FAM167A: variants seen among roughly 807,000 people sequenced by gnomAD.
The protein encoded by FAM167A is family with sequence similarity 167 member A.
In FAM167A, 23 loss-of-function variants were observed where a neutral mutation model predicts 14.9. The observed-to-expected ratio is 1.55, with a 90% CI of 1.11 to 2.19. The LOEUF is 2.19. Among genes scored for constraint, FAM167A ranks in the 30% most tolerant of loss-of-function variants. The pLI, the probability that FAM167A is intolerant of heterozygous loss-of-function variation, is 0.00. For synonymous variants in FAM167A, 174 were observed against 117.7 expected (o/e 1.48, Z -3.10); for missense variants, 401 against 281.5 (o/e 1.42, Z -3.04).
intron 2 of FAM167A, among the ~76,000 whole-genome samples, chr8:11,433,567 G>C (rs137977434): frequency 1.1e-3 from 175 of 152,306 alleles, no homozygotes; most frequent in African/African-American, 4.0e-3. Context: ...TGGCTTGAGA[G>C]AAATCCCAGT....
chr8:11,456,210 TGTGTGAGTGTGA>T (rs1331432803), intron 1 of FAM167A, among the ~76,000 whole-genome samples: 2 of 8,986 alleles, frequency 2.2e-4, no homozygotes, highest in Non-Finnish European at 2.2e-4. Flanking sequence ...GTTGCCTTGC[TGTGTGAGTGTGA>T]GTGAGTGTGG....
chr8:11,428,421 G>T (rs892252665), intron 2 of FAM167A, among the ~76,000 whole-genome samples: 20 of 152,214 alleles, frequency 1.3e-4, no homozygotes, highest in Non-Finnish European at 2.2e-4. Flanking sequence ...GCGTTGCCTC[G>T]CACGCCCATG....
intron 1 of FAM167A, among the ~76,000 whole-genome samples, chr8:11,464,733 C>T (rs1171975497): frequency 6.6e-6 from 1 of 152,206 alleles, no homozygotes; most frequent in Non-Finnish European, 1.5e-5. Flanking sequence ...TCTGGGAATA[C>T]CGGGGCTCCT....
rs533012142 is a variant in FAM167A, at chr8:11,431,560, A to G, written c.382-6924T>C. 2.0e-5 allele frequency among the ~76,000 whole-genome samples: 3 copies of G among 152,340 alleles called. No homozygotes were observed. The East Asian group carries it at 5.8e-4, about 29-fold the overall frequency. On this transcript the variant is annotated intron_variant, in intron 2 of 2. Transcript: ENST00000284486. ...ATATTTTACTGACATTTAAACAACA[A>G]CAGCAGAGTCTGCAAATTTAGAGCA...
intron 2 of FAM167A, among the ~76,000 whole-genome samples, chr8:11,431,919 A>AAAAGAG (rs1805627512): frequency 1.4e-5 from 2 of 139,962 alleles, no homozygotes; most frequent in Non-Finnish European, 3.1e-5. Flanking sequence ...AAAAAAAAAA[A>AAAAGAG]GGATTTTGTT....
intron 1 of FAM167A, among the ~76,000 whole-genome samples, chr8:11,447,832 A>G (rs955069811): frequency 6.6e-6 from 1 of 152,214 alleles, no homozygotes; most frequent in Non-Finnish European, 1.5e-5. Context: ...AGAAATGAGA[A>G]CAACCGGAAC....
intron 2 of FAM167A, among the ~76,000 whole-genome samples, chr8:11,440,898 G>A (rs1159535030): frequency 2.0e-5 from 3 of 152,236 alleles, no homozygotes; most frequent in Non-Finnish European, 4.4e-5. Context: ...TTAAGAGGAT[G>A]AATGAGGGAA....
chr8:11,457,852 T>C (rs903627546), intron 1 of FAM167A, among the ~76,000 whole-genome samples: 4 of 152,212 alleles, frequency 2.6e-5, no homozygotes, highest in African/African-American at 9.6e-5. Context: ...GCTTTCCTCA[T>C]GCTGACTGCA....
intron 1 of FAM167A, among the ~76,000 whole-genome samples, chr8:11,459,692 CA>C (rs1325464805): frequency 6.6e-6 from 1 of 152,222 alleles, no homozygotes; most frequent in Non-Finnish European, 1.5e-5. Context: ...CTTTGGAATT[CA>C]ACTGGAACAG....
At chr8:11,463,556 C>T (rs1380704964) in intron 1 of FAM167A, among the ~76,000 whole-genome samples, 1 of 152,212 alleles carries the variant, frequency 6.6e-6, no homozygotes, top group East Asian at 1.9e-4. Flanking sequence ...AGCCAGTGCA[C>T]AAGTCACTGC....
chr8:11,475,828 T>A (rs1797858423), intron 1 of FAM167A, among the ~76,000 whole-genome samples: 1 of 152,116 alleles, frequency 6.6e-6, no homozygotes, highest in Non-Finnish European at 1.5e-5. Flanking sequence ...CACCTGTGTT[T>A]CCCTATCACC....
chr8:11,451,414 CGTAA>C, intron 1 of FAM167A, among the ~76,000 whole-genome samples: 1 of 152,334 alleles, frequency 6.6e-6, no homozygotes, highest in East Asian at 1.9e-4. Context: ...TTCTGACATT[CGTAA>C]GTGACTGACA....
rs1471802543 is a variant in FAM167A, at chr8:11,422,686, A to T, written c.*1687T>A. The stretch of plus-strand genomic sequence containing the variant: ...AGAGATCATTCATTTGCATTGTCCT[A>T]CTCTCAGCCCACAAAAGAAAAGCAA... On this transcript the variant is annotated 3_prime_UTR_variant, in exon 3 of 3. Transcript: ENST00000284486. 1 of 152,076 alleles carries T rather than the reference A, an allele frequency of 6.6e-6. No homozygotes were observed. The highest frequency in any genetic ancestry group is 1.5e-5 in the Non-Finnish European group (1 of 68,018). 9.4% of individuals were successfully genotyped at this position (152,076 alleles called of 1,614,324 possible). A position where few individuals can be genotyped will look rare whatever the true frequency, so the allele number is the denominator to read the frequency against.
At chr8:11,465,840 G>A (rs552929189) in intron 1 of FAM167A, among the ~76,000 whole-genome samples, 2 of 152,202 alleles carry the variant, frequency 1.3e-5, no homozygotes, top group African/African-American at 4.8e-5. Context: ...GGGAGAACCT[G>A]CTTGCAGGCA....
chr8:11,422,505 G>C lies in FAM167A; in HGVS notation c.*1868C>G, dbSNP rs1804825557. 1.3e-5 allele frequency: 2 copies of C among 152,548 alleles called. No individual in the cohort carries two copies. Among genetic ancestry groups the C allele is most frequent in the Admixed American group, 1.3e-4 (2 of 15,258 alleles). The allele number at this position is 152,548 out of a possible 1,614,324, so 9.4% of individuals were successfully genotyped here. ...GTGTTTGTGCAGAGCTCTGAGGAAGGACAGCAGTACATGGTCCTCAGGCCT... is the reference window on the plus strand; with the variant it reads ...GTGTTTGTGCAGAGCTCTGAGGAAGCACAGCAGTACATGGTCCTCAGGCCT... On this transcript the variant is annotated 3_prime_UTR_variant, in exon 3 of 3. Transcript: ENST00000284486.
In FAM167A at chr8:11,453,966, T is replaced by C. The variant is rs562967706; in HGVS notation, c.-397-9158A>G. ...CTGCCCACACTCCTTGGGGTTGCTG[T>C]GCCATCTTCTAGAACCTACTATCTG... On this transcript the variant is annotated intron_variant, in intron 1 of 2. Transcript: ENST00000284486. 5.3e-5 allele frequency among the ~76,000 whole-genome samples: 8 copies of C among 152,360 alleles called. No individual in the cohort carries two copies. In the South Asian group the frequency reaches 1.2e-3, roughly 24 times the overall value.
At chr8:11,468,926 G>T (rs1807868269), upstream of FAM167A, among the ~76,000 whole-genome samples, 1 of 152,224 alleles carries the variant, frequency 6.6e-6, no homozygotes, top group African/African-American at 2.4e-5. Context: ...GGGACCAGGA[G>T]GAGAGTGGGC....
At chr8:11,455,835 A>AAT (rs1807242482) in intron 1 of FAM167A, among the ~76,000 whole-genome samples, 1 of 23,762 alleles carries the variant, frequency 4.2e-5, no homozygotes, top group African/African-American at 1.7e-4. Flanking sequence ...TATGAGTGTG[A>AAT]GTGTGAGGGT....
At chr8:11,464,861 C>T (rs910543192) in intron 1 of FAM167A, among the ~76,000 whole-genome samples, 4 of 152,184 alleles carry the variant, frequency 2.6e-5, no homozygotes, top group Non-Finnish European at 4.4e-5. Flanking sequence ...GGCTCTCTCT[C>T]AGCAAATAGT....
Sources: gnomAD v4.1 joint callset for allele counts (sites outside exome capture counted in the v4.1 genomes callset) on GRCh38, gnomAD v4.1.1 for gene constraint, MANE v1.5 for transcripts, NCBI Gene and HGNC (gene_info 2026-07-23, HGNC 2026-07-21) for gene names.